The following POMP variants were observed in gnomAD, a reference collection of about 807,000 sequenced individuals.
POMP encodes the protein proteasome maturation protein.
Under a neutral mutation model 20.6 loss-of-function variants are expected in POMP, and 12 were observed. The observed-to-expected ratio is 0.58, with a 90% CI of 0.37 to 0.94. The LOEUF is 0.94. Ranked by LOEUF, POMP falls within the 40% of genes least tolerant of loss-of-function variation. The pLI is 0.01. For synonymous variants in POMP, 53 were observed against 55.0 expected, an observed-to-expected ratio of 0.96 and a Z score of 0.16; for missense variants, 136 against 161.1, an observed-to-expected ratio of 0.84 and a Z score of 0.84.
chr13:28,659,230 G>T (rs1458147932), intron 1 of POMP, 43 bp downstream of exon 1: 1 of 1,573,376 alleles, frequency 6.4e-7, no homozygotes. Flanking sequence ...GCGGGCTCGG[G>T]ACCGTGGCTC....
chr13:28,665,516 A>G (rs1464284851), intron 3 of POMP, among the ~76,000 whole-genome samples: 1 of 152,214 alleles, frequency 6.6e-6, no homozygotes, highest in East Asian at 1.9e-4. Context: ...GTATGATTAT[A>G]AAAGCACAGT....
At chr13:28,659,608 C>G (rs1019914292) in intron 1 of POMP, among the ~76,000 whole-genome samples, 1 of 152,174 alleles carries the variant, frequency 6.6e-6, no homozygotes, top group Admixed American at 6.5e-5. Context: ...CCCCCAGCCC[C>G]CGCCCTTGTA....
chr13:28,672,865 C>CA, intron 5 of POMP, among the ~76,000 whole-genome samples: 1 of 151,974 alleles, frequency 6.6e-6, no homozygotes, highest in Non-Finnish European at 1.5e-5. Flanking sequence ...TCTGATATTC[C>CA]TAGGGTGACT....
chr13:28,663,735 A>G (rs748276235), intron 2 of POMP, among the ~76,000 whole-genome samples: 1 of 152,182 alleles, frequency 6.6e-6, no homozygotes, highest in Non-Finnish European at 1.5e-5. Context: ...GAAATTGGAG[A>G]TATAATTTGA....
intron 3 of POMP, among the ~76,000 whole-genome samples, chr13:28,667,787 C>T (rs1884474649): frequency 6.6e-6 from 1 of 152,166 alleles, no homozygotes; most frequent in Non-Finnish European, 1.5e-5. Flanking sequence ...CCTTAGGAGC[C>T]ATTTTTGGAA....
intron 3 of POMP, among the ~76,000 whole-genome samples, chr13:28,668,139 C>G (rs1227615728): frequency 6.6e-6 from 1 of 152,086 alleles, no homozygotes; most frequent in African/African-American, 2.4e-5. Context: ...CAAATTACAC[C>G]TTTGCTAGTT....
chr13:28,671,284 C>T (rs9508104), intron 4 of POMP, among the ~76,000 whole-genome samples: 95,905 of 151,910 alleles, frequency 0.63, 33,997 homozygotes, highest in Non-Finnish European at 0.81. Flanking sequence ...GTAAGAGTAG[C>T]ATAGGATTAT....
chr13:28,671,314 C>G (rs566759975), intron 4 of POMP, among the ~76,000 whole-genome samples: 6 of 152,158 alleles, frequency 3.9e-5, no homozygotes, highest in Non-Finnish European at 8.8e-5. Flanking sequence ...TAAATGAAAT[C>G]ACATGTTTGG....
intron 5 of POMP, among the ~76,000 whole-genome samples, chr13:28,674,461 A>T (rs1397155907): frequency 6.6e-6 from 1 of 152,216 alleles, no homozygotes; most frequent in Non-Finnish European, 1.5e-5. Flanking sequence ...ATAGCCTAGA[A>T]CAAAGGCAGT....
chr13:28,659,132 CG>C lies in POMP; in HGVS notation c.-49del. Reference sequence around the variant, plus strand: ...AGCCCTCGGAAACGGAAGTGAGCGGCGGGGTCGACTGACGGTAACGGGGCAG... The same window carrying C: ...AGCCCTCGGAAACGGAAGTGAGCGGCGGGTCGACTGACGGTAACGGGGCAG... On this transcript the variant is annotated 5_prime_UTR_variant, in exon 1 of 6. Transcript: ENST00000380842. The C allele has an allele frequency of 6.4e-7, 1 of 1,571,410 alleles. No individual in the cohort carries two copies. Among genetic ancestry groups the C allele is most frequent in the East Asian group, 2.4e-5 (1 of 41,858 alleles).
intron 2 of POMP, among the ~76,000 whole-genome samples, chr13:28,662,918 A>G (rs1771200): frequency 0.044 from 6,760 of 152,238 alleles, 503 homozygotes; most frequent in African/African-American, 0.15. Context: ...TCTGCTCTTT[A>G]CTAGATGTGT....
chr13:28,666,603 A>G (rs1884452195), intron 3 of POMP, among the ~76,000 whole-genome samples: 1 of 152,212 alleles, frequency 6.6e-6, no homozygotes, highest in African/African-American at 2.4e-5. Context: ...ATCCTTCAGC[A>G]TGGATTGTGT....
chr13:28,659,158 GAGAGGCTGTTCGC>G lies in POMP; in HGVS notation c.-22_-10del. On this transcript the variant is annotated 5_prime_UTR_variant, in exon 1 of 6. Coordinates refer to ENST00000380842, the MANE Select transcript of POMP (RefSeq NM_015932.6). ...GGGGTCGACTGACGGTAACGGGGCAGAGAGGCTGTTCGCAGAGCTGCGGAAGATGGTGAGTGGG... is the reference window on the plus strand; with the variant it reads ...GGGGTCGACTGACGGTAACGGGGCAGAGAGCTGCGGAAGATGGTGAGTGGG... 6.3e-7 allele frequency: 1 copy of G among 1,581,702 alleles called. No homozygotes were observed. The highest frequency in any genetic ancestry group is 8.6e-7 in the Non-Finnish European group (1 of 1,164,698).
chr13:28,668,637 A>G, intron 4 of POMP, 63 bp downstream of exon 4: 3 of 1,278,344 alleles, frequency 2.3e-6, no homozygotes, highest in South Asian at 1.2e-5. Context: ...TTCTGTTTTC[A>G]TAACAGCTAT....
At chr13:28,672,299 A>C in intron 4 of POMP, 40 bp from the exon 5 acceptor site, 1 of 1,429,472 alleles carries the variant, frequency 7.0e-7, no homozygotes, top group Non-Finnish European at 9.9e-7. Flanking sequence ...TTTTCCCCTG[A>C]GTTTTTTCTA....
chr13:28,668,682 C>T, intron 4 of POMP, 108 bp downstream of exon 4: 1 of 863,966 alleles, frequency 1.2e-6, no homozygotes, highest in Non-Finnish European at 1.9e-6. Flanking sequence ...TATTCTACTT[C>T]CCTCCCCCTT....
chr13:28,672,581 G>GT lies in POMP; in HGVS notation c.358+150dup, dbSNP rs1884567973. On this transcript the variant is annotated intron_variant, in intron 5 of 5. Coordinates refer to ENST00000380842, the MANE Select transcript of POMP (RefSeq NM_015932.6). Reference sequence around the variant, plus strand: ...TGCATTAAGATAAAGTTTAATGGTAGTAACTGTTCTTTAACTGTTTTTAAA... The same window carrying GT: ...TGCATTAAGATAAAGTTTAATGGTAGTTAACTGTTCTTTAACTGTTTTTAAA... The GT allele has an allele frequency of 7.0e-6, 5 of 713,098 alleles. No homozygotes were observed. In the South Asian group the frequency reaches 7.5e-5, roughly 11 times the overall value. The allele number at this position is 713,098 out of a possible 1,614,324, so 44.2% of individuals were successfully genotyped here. A position where few individuals can be genotyped will look rare whatever the true frequency, so the allele number is the denominator to read the frequency against.
intron 5 of POMP, among the ~76,000 whole-genome samples, chr13:28,677,203 T>C (rs1338781507): frequency 1.3e-5 from 2 of 151,634 alleles, no homozygotes; most frequent in African/African-American, 4.9e-5. Context: ...ATATTGCCTT[T>C]TTTTTTTTTA....
At chr13:28,667,486 C>A (rs1884469730) in intron 3 of POMP, among the ~76,000 whole-genome samples, 1 of 152,174 alleles carries the variant, frequency 6.6e-6, no homozygotes, top group South Asian at 2.1e-4. Context: ...TAATAAAATA[C>A]TGCAGGTTTT....
Sources: allele counts gnomAD v4.1 joint callset (sites outside exome capture counted in the v4.1 genomes callset), GRCh38; gene constraint gnomAD v4.1.1; transcripts MANE v1.5; gene names NCBI Gene and HGNC (gene_info 2026-07-23, HGNC 2026-07-21).